The following PLCB4 variants were observed in gnomAD, a reference collection of about 807,000 sequenced individuals.
The protein encoded by PLCB4 is phospholipase C beta 4, also known as 1-phosphatidylinositol 4,5-bisphosphate phosphodiesterase beta-4.
Under a neutral mutation model 178.8 loss-of-function variants are expected in PLCB4, and 77 were observed. That is an observed-to-expected ratio of 0.43 (90% confidence interval 0.36 to 0.52). The LOEUF (loss-of-function observed/expected upper bound fraction) is 0.52, where lower values mean the gene tolerates loss of function less well. Ranked by LOEUF, PLCB4 falls within the 20% of genes least tolerant of loss-of-function variation. PLCB4 has a pLI of 0.00. For missense variants in PLCB4, 1,024 were observed against 1,453.4 expected, an observed-to-expected ratio of 0.70 and a Z score of 4.80; for synonymous variants, 496 against 490.8, an observed-to-expected ratio of 1.01 and a Z score of -0.14.
At chr20:9,229,433 C>T (rs541538599) in intron 3 of PLCB4, among the ~76,000 whole-genome samples, 54 of 152,136 alleles carry the variant, frequency 3.5e-4, no homozygotes, top group South Asian at 8.3e-4. Context: ...AAGAAGGCCA[C>T]ATGTCTCCTG....
intron 7 of PLCB4, among the ~76,000 whole-genome samples, chr20:9,362,261 A>G (rs2035407906): frequency 6.6e-6 from 1 of 152,206 alleles, no homozygotes; most frequent in Admixed American, 6.5e-5. Flanking sequence ...AAATTCCTCT[A>G]CTGCCATGCA....
chr20:9,203,627 C>A (rs143326646), intron 2 of PLCB4, among the ~76,000 whole-genome samples: 3 of 152,088 alleles, frequency 2.0e-5, no homozygotes, highest in Non-Finnish European at 4.4e-5. Context: ...TTCCATTTAA[C>A]TTCACAACAA....
At chr20:9,189,880 G>A (rs771102938) in intron 2 of PLCB4, among the ~76,000 whole-genome samples, 8 of 152,010 alleles carry the variant, frequency 5.3e-5, no homozygotes, top group Non-Finnish European at 2.9e-5. Context: ...CCTCCTAAAG[G>A]CCCCACTTCT....
At chr20:9,430,908 C>A (rs1179836377) in intron 28 of PLCB4, among the ~76,000 whole-genome samples, 4 of 152,220 alleles carry the variant, frequency 2.6e-5, no homozygotes, top group Admixed American at 2.0e-4. Flanking sequence ...AAGCACATGA[C>A]TTTTTATGGA....
Position 9,415,362 on chromosome 20 carries a change from T to C in PLCB4, c.2051+4274T>C, listed in dbSNP as rs143713533. On this transcript the variant is annotated intron_variant, in intron 25 of 39. Transcript: ENST00000378473. The stretch of plus-strand genomic sequence containing the variant: ...CAAAATTGCAAATAAAGGGGGATAC[T>C]GTATAGCATAGCAACTTGCAGTTAT... Among the ~76,000 whole-genome samples the C allele has an allele frequency of 3.9e-3, 601 of 152,358 alleles. 5 individuals are homozygous for C. The highest frequency in any genetic ancestry group is 0.013 in the African/African-American group (545 of 41,584).
intron 38 of PLCB4, 82 bp downstream of exon 38, chr20:9,473,447 G>T: frequency 1.5e-6 from 1 of 655,868 alleles, no homozygotes; most frequent in Non-Finnish European, 2.6e-6. Context: ...AGTGACCAGT[G>T]GCTTGCATAT....
intron 3 of PLCB4, among the ~76,000 whole-genome samples, chr20:9,306,135 A>G (rs1401948767): frequency 4.6e-5 from 7 of 151,964 alleles, no homozygotes; most frequent in African/African-American, 1.7e-4. Context: ...CTATATCTCT[A>G]ACTTTTTCAC....
intron 2 of PLCB4, among the ~76,000 whole-genome samples, chr20:9,120,894 C>T (rs1346627731): frequency 2.0e-5 from 3 of 152,160 alleles, no homozygotes; most frequent in Admixed American, 6.5e-5. Flanking sequence ...TTGGTGTTTC[C>T]ACCTGCTCTT....
At chr20:9,174,059 T>C (rs1305944786) in intron 2 of PLCB4, among the ~76,000 whole-genome samples, 1 of 152,204 alleles carries the variant, frequency 6.6e-6, no homozygotes, top group Non-Finnish European at 1.5e-5. Context: ...CTATATTAAA[T>C]AATCGCACAA....
chr20:9,321,957 T>C (rs373384223), intron 4 of PLCB4, among the ~76,000 whole-genome samples: 1 of 104,250 alleles, frequency 9.6e-6, no homozygotes, highest in East Asian at 2.5e-4. Flanking sequence ...TTTTTCTTTT[T>C]TTTTTTTTGA....
rs1600724104 is a variant in PLCB4, at chr20:9,149,528, G to T, written c.-79+53186G>T. Among the ~76,000 whole-genome samples the T allele has an allele frequency of 5.3e-5, 8 of 152,202 alleles. 1 individual carries two copies. On this transcript the variant is annotated intron_variant, in intron 2 of 39. Transcript: ENST00000378473. Reference sequence around the variant, plus strand: ...TTACTTCCCTCCTGATTTGCTTCTTGCAACGTACTGTGCAGGTGACATCCA... The same window carrying T: ...TTACTTCCCTCCTGATTTGCTTCTTTCAACGTACTGTGCAGGTGACATCCA...
intron 1 of PLCB4, among the ~76,000 whole-genome samples, chr20:9,086,453 A>C (rs1177592089): frequency 6.6e-6 from 1 of 152,094 alleles, no homozygotes; most frequent in African/African-American, 2.4e-5. Flanking sequence ...GACCTTGGTC[A>C]AGTCATTGAC....
chr20:9,383,055 A>G (rs1006486334), intron 13 of PLCB4, among the ~76,000 whole-genome samples: 1 of 152,244 alleles, frequency 6.6e-6, no homozygotes, highest in Admixed American at 6.5e-5. Flanking sequence ...ATCTACCTAC[A>G]TAGCTGGTAT....
intron 2 of PLCB4, among the ~76,000 whole-genome samples, chr20:9,172,217 T>TTA (rs1304941087): frequency 6.6e-6 from 1 of 152,146 alleles, no homozygotes; most frequent in Non-Finnish European, 1.5e-5. Context: ...TAAGAATTCA[T>TTA]CATATAACAA....
chr20:9,426,836 A>T (rs976830822), intron 28 of PLCB4, among the ~76,000 whole-genome samples: 1 of 152,192 alleles, frequency 6.6e-6, no homozygotes, highest in African/African-American at 2.4e-5. Flanking sequence ...TTATGGATAA[A>T]CACTGAAGTT....
At chr20:9,205,046 TC>T (rs1170318790) in intron 2 of PLCB4, among the ~76,000 whole-genome samples, 1 of 152,226 alleles carries the variant, frequency 6.6e-6, no homozygotes, top group Non-Finnish European at 1.5e-5. Flanking sequence ...TACAATTTTT[TC>T]TCTTAACAAT....
chr20:9,224,420 C>G (rs1392677813), intron 3 of PLCB4, among the ~76,000 whole-genome samples: 2 of 152,156 alleles, frequency 1.3e-5, no homozygotes, highest in African/African-American at 4.8e-5. Context: ...TCATTATCTT[C>G]CTTCTTTATT....
chr20:9,240,829 A>G (rs2147410968), intron 3 of PLCB4, among the ~76,000 whole-genome samples: 1 of 152,146 alleles, frequency 6.6e-6, no homozygotes, highest in East Asian at 1.9e-4. Flanking sequence ...AGAGGGGGAG[A>G]TGAGTAACAA....
rs567039363 is a variant in PLCB4, at chr20:9,132,823, A to G, written c.-79+36481A>G. ...AGGGCAATGGTTCTCAACTAAGGGC[A>G]GTTTTGCTTCTAGGGGCATCTGACA... is the stretch of plus-strand genomic sequence containing the variant. On this transcript the variant is annotated intron_variant, in intron 2 of 39. Transcript: ENST00000378473. Among the ~76,000 whole-genome samples, 66 of 152,324 alleles carry G rather than the reference A, an allele frequency of 4.3e-4. 1 individual carries two copies. The highest frequency in any genetic ancestry group is 1.3e-3 in the African/African-American group (55 of 41,598).
Sources: allele counts gnomAD v4.1 joint callset (sites outside exome capture counted in the v4.1 genomes callset), GRCh38; gene constraint gnomAD v4.1.1; transcripts MANE v1.5; gene names NCBI Gene and HGNC (gene_info 2026-07-23, HGNC 2026-07-21).